CAPRIN2: variants seen among roughly 807,000 people sequenced by gnomAD.
The protein encoded by CAPRIN2 is caprin-2.
CAPRIN2 carries 66 observed loss-of-function variants against 130.4 expected under a neutral mutation model. The observed-to-expected ratio is 0.51, with a 90% confidence interval of 0.42 to 0.62. The LOEUF (loss-of-function observed/expected upper bound fraction) is 0.62. Among genes scored for constraint, CAPRIN2 ranks in the 20% least tolerant of loss-of-function variants. CAPRIN2 has a pLI of 0.00. For missense variants in CAPRIN2, 1,185 were observed against 1,246.6 expected (o/e 0.95, Z 0.74); for synonymous variants, 471 against 444.1 (o/e 1.06, Z -0.76).
intron 11 of CAPRIN2, among the ~76,000 whole-genome samples, chr12:30,721,333 A>G (rs998930836): frequency 1.4e-5 from 2 of 145,804 alleles, no homozygotes; most frequent in Non-Finnish European, 3.1e-5. Flanking sequence ...CACTGTAGGC[A>G]CAGCTCTGCC....
At chr12:30,736,831 C>A (rs777799610) in intron 3 of CAPRIN2, among the ~76,000 whole-genome samples, 11 of 152,134 alleles carry the variant, frequency 7.2e-5, no homozygotes, top group Non-Finnish European at 1.0e-4. Flanking sequence ...TCCTAGCTCT[C>A]CAAAACACTG....
chr12:30,735,260 G>C (rs1447575887), intron 3 of CAPRIN2, 54 bp from the exon 5 acceptor site: 17 of 1,327,160 alleles, frequency 1.3e-5, no homozygotes, highest in Non-Finnish European at 1.8e-5. Flanking sequence ...TCCCATATTA[G>C]CAATACGTAT....
intron 16 of CAPRIN2, among the ~76,000 whole-genome samples, chr12:30,711,358 C>T (rs946178387): frequency 6.6e-6 from 1 of 152,132 alleles, no homozygotes; most frequent in African/African-American, 2.4e-5. Flanking sequence ...AACACCCACC[C>T]TTTTAATTCA....
chr12:30,726,386 C>A (rs540156026), intron 8 of CAPRIN2, among the ~76,000 whole-genome samples: 1 of 152,134 alleles, frequency 6.6e-6, no homozygotes, highest in Admixed American at 6.5e-5. Flanking sequence ...CATATGTCCT[C>A]TAGGATAAGA....
intron 12 of CAPRIN2, chr12:30,719,603 G>T: frequency 6.3e-6 from 1 of 157,910 alleles, no homozygotes; most frequent in Non-Finnish European, 1.4e-5. Context: ...GTTGTTTAGT[G>T]TTAATTTTTC....
At chr12:30,735,167 T>C (rs374507739) in exon 4 of CAPRIN2, 8 of 1,614,214 alleles carry the variant, frequency 5.0e-6, no homozygotes, top group Middle Eastern at 1.6e-4. Context: ...AGTTTTAGCA[T>C]GTGCTCCCTT....
At chr12:30,741,242 G>T in intron 2 of CAPRIN2, 136 bp from the exon 4 acceptor site, 1 of 448,844 alleles carries the variant, frequency 2.2e-6, no homozygotes, top group Non-Finnish European at 3.9e-6. Flanking sequence ...AAAAGTACTT[G>T]CCTAATGAAA....
exon 8 of CAPRIN2, chr12:30,729,287 T>C: frequency 6.3e-7 from 1 of 1,593,120 alleles, no homozygotes; most frequent in Non-Finnish European, 8.5e-7. Context: ...CTTGTTTGTT[T>C]GAATAATCTA....
chr12:30,742,567 G>A (rs1473146639), intron 2 of CAPRIN2, among the ~76,000 whole-genome samples: 1 of 151,838 alleles, frequency 6.6e-6, no homozygotes, highest in Non-Finnish European at 1.5e-5. Context: ...ACCAAATACA[G>A]GCACTTGTAT....
In CAPRIN2 at chr12:30,717,262, T is replaced by A. The variant is rs979528154; in HGVS notation, c.2149-586A>T. The stretch of plus-strand genomic sequence containing the variant: ...ATTATTCAGCCATACAAAAATGAAA[T>A]CCTGATACACTGTATAACGCAAATG... On this transcript the variant is annotated intron_variant, in intron 12 of 16. Transcript: ENST00000298892. Among the ~76,000 whole-genome samples the A allele has an allele frequency of 2.0e-5, 3 of 152,136 alleles. No individual in the cohort carries two copies. In the South Asian group the frequency reaches 6.2e-4, roughly 32 times the overall value.
At chr12:30,751,000 C>T in intron 2 of CAPRIN2, 71 bp downstream of exon 3, 1 of 1,080,524 alleles carries the variant, frequency 9.3e-7, no homozygotes, top group East Asian at 2.4e-5. Flanking sequence ...AGACTGATCG[C>T]ACTAAATCCA....
chr12:30,727,415 A>G (rs2061274083), intron 8 of CAPRIN2, among the ~76,000 whole-genome samples: 1 of 152,164 alleles, frequency 6.6e-6, no homozygotes, highest in Non-Finnish European at 1.5e-5. Context: ...GCTTTCCCCA[A>G]GCAAAATGTT....
rs1332095770 is a variant in CAPRIN2 at position 30,726,094 on chromosome 12, A to C, written c.1783-6T>G. 2 of 1,507,394 alleles carry C rather than the reference A, an allele frequency of 1.3e-6. No homozygotes were observed. The highest frequency in any genetic ancestry group is 1.8e-6 in the Non-Finnish European group (2 of 1,124,002). 93.4% of individuals were successfully genotyped at this position (1,507,394 alleles called of 1,614,324 possible). On this transcript the variant is annotated splice_region_variant and splice_polypyrimidine_tract_variant and intron_variant, in intron 8 of 16. Transcript: ENST00000298892. ...TGATGCACAGGCTTAGGCACCTACA[A>C]GATAAACCCATAATGTGTAAGAGTG...
In CAPRIN2 at chr12:30,753,145, G is replaced by A. The variant is rs575892568; in HGVS notation, c.420+199C>T. Among the ~76,000 whole-genome samples, 4 of 152,308 alleles carry A rather than the reference G, an allele frequency of 2.6e-5. No individual in the cohort carries two copies. In the South Asian group the frequency reaches 8.3e-4, roughly 32 times the overall value. ...GCAGCATGCATAATGTAACTATGAAGAATATTTTTATTCCGTTGTTTTGAC... is the reference window on the plus strand; with the variant it reads ...GCAGCATGCATAATGTAACTATGAAAAATATTTTTATTCCGTTGTTTTGAC... On this transcript the variant is annotated intron_variant, in intron 1 of 16. Transcript: ENST00000298892.
intron 5 of CAPRIN2, among the ~76,000 whole-genome samples, chr12:30,732,778 T>C (rs879029938): frequency 2.0e-5 from 3 of 152,120 alleles, no homozygotes; most frequent in Admixed American, 6.5e-5. Context: ...CCACATTTTA[T>C]CAATTTATCA....
chr12:30,748,850 T>G (rs1242702439), intron 2 of CAPRIN2, among the ~76,000 whole-genome samples: 1 of 152,198 alleles, frequency 6.6e-6, no homozygotes, highest in Non-Finnish European at 1.5e-5. Flanking sequence ...CATGCTACAC[T>G]CTATTCTACG....
intron 3 of CAPRIN2, among the ~76,000 whole-genome samples, chr12:30,738,559 G>C (rs2065910325): frequency 6.6e-6 from 1 of 152,168 alleles, no homozygotes; most frequent in Non-Finnish European, 1.5e-5. Context: ...TGACAAGTTA[G>C]ATCTAATTAA....
intron 16 of CAPRIN2, 68 bp downstream of exon 18, chr12:30,711,498 G>T: frequency 1.6e-6 from 2 of 1,218,198 alleles, no homozygotes; most frequent in Non-Finnish European, 2.4e-6. Flanking sequence ...GAAAGAACTT[G>T]GTAGAGGATG....
chr12:30,737,637 G>A (rs149812774), intron 3 of CAPRIN2, among the ~76,000 whole-genome samples: 1,465 of 137,446 alleles, frequency 0.011, 4 homozygotes, highest in Middle Eastern at 0.043. Context: ...TCACTCTGTC[G>A]CCCAGGCTGG....
Sources: allele counts gnomAD v4.1 joint callset (sites outside exome capture counted in the v4.1 genomes callset), GRCh38; gene constraint gnomAD v4.1.1; transcripts MANE v1.5; gene names NCBI Gene and HGNC (gene_info 2026-07-23, HGNC 2026-07-21).